Variants in SERGEF observed in about 807,000 individuals in gnomAD.
The protein encoded by SERGEF is secretion-regulating guanine nucleotide exchange factor.
A neutral mutation model predicts 50.0 loss-of-function variants in SERGEF; 51 were observed. The ratio of observed to expected loss-of-function variants is 1.02; its 90% CI spans 0.81 to 1.29. The LOEUF (loss-of-function observed/expected upper bound fraction) is 1.29. SERGEF is among the 50% of genes most tolerant of loss of function. The pLI is 0.00. For synonymous variants in SERGEF, 205 were observed against 212.4 expected (o/e 0.97, Z 0.30); for missense variants, 521 against 557.0 (o/e 0.94, Z 0.65).
intron 9 of SERGEF, among the ~76,000 whole-genome samples, chr11:17,920,711 T>C (rs1852138882): frequency 6.6e-6 from 1 of 152,152 alleles, no homozygotes; most frequent in Non-Finnish European, 1.5e-5. Context: ...TGATGTGAGA[T>C]TAGAGCAACC....
intron 6 of SERGEF, among the ~76,000 whole-genome samples, 155 bp downstream of exon 6, chr11:17,995,641 A>G (rs560255757): frequency 7.3e-4 from 111 of 152,352 alleles, no homozygotes; most frequent in Non-Finnish European, 9.7e-4. Flanking sequence ...TGGGCCAACA[A>G]ACAATGCCAG....
At chr11:17,998,548 ATGTG>A (rs1208501414) in intron 5 of SERGEF, among the ~76,000 whole-genome samples, 55 of 54,348 alleles carry the variant, frequency 1.0e-3, no homozygotes, top group Admixed American at 5.0e-3. Context: ...GTGTGTGTGT[ATGTG>A]TATGTGTGTA....
intron 9 of SERGEF, among the ~76,000 whole-genome samples, chr11:17,918,078 C>T (rs961937867): frequency 6.6e-5 from 10 of 152,134 alleles, no homozygotes; most frequent in Non-Finnish European, 1.2e-4. Flanking sequence ...AGTAAAGTAA[C>T]TTGCTGAAGG....
chr11:18,002,638 CA>C (rs1360093322), intron 4 of SERGEF, among the ~76,000 whole-genome samples: 3 of 152,164 alleles, frequency 2.0e-5, no homozygotes, highest in African/African-American at 7.2e-5. Flanking sequence ...CCCAGATGCT[CA>C]AAACTCCCTC....
At chr11:17,833,142 G>A (rs1850340534) in intron 10 of SERGEF, among the ~76,000 whole-genome samples, 1 of 152,214 alleles carries the variant, frequency 6.6e-6, no homozygotes, top group Non-Finnish European at 1.5e-5. Flanking sequence ...GAAGGTCTAG[G>A]AGGAAAATAT....
intron 10 of SERGEF, among the ~76,000 whole-genome samples, chr11:17,822,841 T>G (rs1850108981): frequency 6.6e-6 from 1 of 152,176 alleles, no homozygotes; most frequent in Non-Finnish European, 1.5e-5. Flanking sequence ...AATAAACTCT[T>G]AATTTTAGAA....
intron 10 of SERGEF, among the ~76,000 whole-genome samples, chr11:17,870,583 T>G (rs2133891386): frequency 1.3e-5 from 2 of 152,358 alleles, no homozygotes; most frequent in South Asian, 4.1e-4. Context: ...GACCTCAAAC[T>G]TGAAGATAAT....
chr11:18,006,768 G>C, intron 2 of SERGEF, 22 bp from the exon 3 acceptor site: 1 of 1,613,144 alleles, frequency 6.2e-7, no homozygotes, highest in Non-Finnish European at 8.5e-7. Context: ...AAAGGCATCA[G>C]TGATAGCGTG....
intron 9 of SERGEF, among the ~76,000 whole-genome samples, chr11:17,889,217 T>A (rs1016014739): frequency 3.3e-5 from 5 of 152,232 alleles, no homozygotes; most frequent in African/African-American, 1.2e-4. Context: ...GGTATTCACA[T>A]AGTCTTAAAG....
intron 10 of SERGEF, among the ~76,000 whole-genome samples, chr11:17,790,825 C>G (rs117260692): frequency 6.6e-6 from 1 of 152,260 alleles, no homozygotes; most frequent in East Asian, 1.9e-4. Context: ...CTCATGAGTA[C>G]GTTCAATTAG....
At chr11:17,874,445 C>T (rs2133894970) in intron 10 of SERGEF, among the ~76,000 whole-genome samples, 1 of 152,296 alleles carries the variant, frequency 6.6e-6, no homozygotes, top group South Asian at 2.1e-4. Context: ...GGAACTCATA[C>T]CACTTCACCA....
intron 10 of SERGEF, among the ~76,000 whole-genome samples, chr11:17,832,510 G>C (rs1850327491): frequency 6.6e-6 from 1 of 152,202 alleles, no homozygotes; most frequent in Non-Finnish European, 1.5e-5. Context: ...TACCAGTAGA[G>C]TGGGCTGCTG....
At chr11:17,847,545 T>C in intron 10 of SERGEF, among the ~76,000 whole-genome samples, 1 of 152,184 alleles carries the variant, frequency 6.6e-6, no homozygotes, top group East Asian at 1.9e-4. Flanking sequence ...TGTATAGATA[T>C]TTTAAAACGC....
intron 9 of SERGEF, among the ~76,000 whole-genome samples, chr11:17,893,523 T>C (rs1851571152): frequency 6.6e-6 from 1 of 152,208 alleles, no homozygotes; most frequent in South Asian, 2.1e-4. Flanking sequence ...AACATCTTTA[T>C]ATGGAATCTA....
At chr11:17,839,165 G>T (rs545652792) in intron 10 of SERGEF, among the ~76,000 whole-genome samples, 26 of 152,322 alleles carry the variant, frequency 1.7e-4, no homozygotes, top group African/African-American at 6.3e-4. Flanking sequence ...TATGCTAGAT[G>T]GTGACATATG....
At position 17,991,970 on chromosome 11, in the gene SERGEF, G is replaced by A. The variant is rs1347191177; in HGVS notation, c.685+961C>T. On this transcript the variant is annotated intron_variant, in intron 7 of 10. Coordinates refer to ENST00000265965, the MANE Select transcript of SERGEF (RefSeq NM_012139.4). The surrounding 1 kb of genome is among the most constrained non-coding windows in gnomAD (Gnocchi z 4.9). Reference sequence around the variant, plus strand: ...ACAAAATATTATAAATCTCTCAGATGTATAGTCTCCAGTCTACCAGCAGGG... The same window carrying A: ...ACAAAATATTATAAATCTCTCAGATATATAGTCTCCAGTCTACCAGCAGGG... Among the ~76,000 whole-genome samples the A allele has an allele frequency of 6.6e-6, 1 of 152,186 alleles. No individual in the cohort carries two copies.
chr11:17,892,967 G>A (rs1851559656), intron 9 of SERGEF, among the ~76,000 whole-genome samples: 1 of 152,168 alleles, frequency 6.6e-6, no homozygotes. Context: ...ATTACAAAGT[G>A]GTCTTATTTT....
intron 1 of SERGEF, chr11:18,012,356 A>G (rs1460778604): frequency 2.5e-6 from 1 of 406,536 alleles, no homozygotes; most frequent in African/African-American, 2.2e-5. Context: ...CCAGACACAC[A>G]TCAAGATGAC....
rs1348111111 is a variant in SERGEF, at chr11:17,793,878, G to A, written c.1049-5465C>T. Among the ~76,000 whole-genome samples the A allele has an allele frequency of 3.3e-5, 5 of 152,206 alleles. No individual in the cohort carries two copies. In the East Asian group the frequency reaches 7.7e-4, roughly 23 times the overall value. ...GGAGCTCACAGCCCACCACACTTGC[G>A]TCAGCCTAAGAGCCCTGCAGGCAAC... On this transcript the variant is annotated intron_variant, in intron 10 of 10. Transcript: ENST00000265965.
Sources: allele counts gnomAD v4.1 joint callset (sites outside exome capture counted in the v4.1 genomes callset), GRCh38; gene constraint gnomAD v4.1.1; non-coding constraint Gnocchi (gnomAD v3.1); transcripts MANE v1.5; gene names NCBI Gene and HGNC (gene_info 2026-07-23, HGNC 2026-07-21).